Variants in IGSF21 observed in about 807,000 individuals in gnomAD.
IGSF21 encodes the protein immunoglobulin superfamily member 21.
Under a neutral mutation model 46.8 loss-of-function variants are expected in IGSF21, and 28 were observed. The observed-to-expected ratio is 0.60, with a 90% CI of 0.44 to 0.82. IGSF21 has a LOEUF of 0.82. Among genes scored for constraint, IGSF21 ranks in the 40% least tolerant of loss-of-function variants. IGSF21 has a pLI of 0.00. For missense variants in IGSF21, 624 were observed against 665.5 expected (o/e 0.94, Z 0.69); for synonymous variants, 284 against 273.6 (o/e 1.04, Z -0.38).
chr1:18,128,032 G>A (rs1038399405), intron 1 of IGSF21, among the ~76,000 whole-genome samples: 18 of 152,164 alleles, frequency 1.2e-4, no homozygotes, highest in African/African-American at 4.3e-4. Flanking sequence ...CTTCATTCAA[G>A]GGAAGAGATT....
intron 1 of IGSF21, chr1:18,110,040 G>C (rs545775010): frequency 5.9e-5 from 9 of 152,244 alleles, no homozygotes; most frequent in African/African-American, 2.2e-4. Context: ...CTGGCTGCCC[G>C]GCTGCAGAGA....
chr1:18,123,896 T>C (rs1449959034), intron 1 of IGSF21, among the ~76,000 whole-genome samples: 1 of 152,186 alleles, frequency 6.6e-6, no homozygotes, highest in Non-Finnish European at 1.5e-5. Flanking sequence ...TCCCTAGCTG[T>C]AGGCCCCCTG....
chr1:18,361,025 G>A (rs1421843585), intron 4 of IGSF21, among the ~76,000 whole-genome samples: 1 of 152,110 alleles, frequency 6.6e-6, no homozygotes, highest in African/African-American at 2.4e-5. Flanking sequence ...CAGTGGGTGA[G>A]GAGAGAAGAG....
At chr1:18,316,677 T>G (rs915344315) in intron 3 of IGSF21, among the ~76,000 whole-genome samples, 3 of 152,176 alleles carry the variant, frequency 2.0e-5, no homozygotes, top group African/African-American at 7.2e-5. Flanking sequence ...CTCCATTCTT[T>G]TTGTGTAACT....
At chr1:18,208,947 G>A (rs1482402011) in intron 1 of IGSF21, among the ~76,000 whole-genome samples, 1 of 152,152 alleles carries the variant, frequency 6.6e-6, no homozygotes, top group Admixed American at 6.5e-5. Context: ...TTCCAGGTAT[G>A]TGGGCTCAAG....
intron 1 of IGSF21, among the ~76,000 whole-genome samples, chr1:18,155,875 A>C (rs907902345): frequency 2.0e-5 from 3 of 152,212 alleles, no homozygotes; most frequent in African/African-American, 7.2e-5. Context: ...AAGAACGGGA[A>C]GCTAAGAAGT....
At chr1:18,174,448 C>T (rs2086774970) in intron 1 of IGSF21, among the ~76,000 whole-genome samples, 1 of 152,188 alleles carries the variant, frequency 6.6e-6, no homozygotes, top group South Asian at 2.1e-4. Flanking sequence ...GATCTGAAGG[C>T]TCGAGGAAGA....
At chr1:18,229,839 A>T (rs1313597616) in intron 2 of IGSF21, among the ~76,000 whole-genome samples, 1 of 152,252 alleles carries the variant, frequency 6.6e-6, no homozygotes, top group Non-Finnish European at 1.5e-5. Context: ...AAGGACAGGG[A>T]TAAATTAACT....
intron 1 of IGSF21, among the ~76,000 whole-genome samples, chr1:18,155,983 A>G (rs1430086865): frequency 1.3e-5 from 2 of 152,246 alleles, no homozygotes; most frequent in Non-Finnish European, 2.9e-5. Context: ...ATTAATACAT[A>G]TAATATATAA....
At chr1:18,363,960 G>A (rs1209965123) in intron 5 of IGSF21, among the ~76,000 whole-genome samples, 2 of 152,152 alleles carry the variant, frequency 1.3e-5, no homozygotes, top group African/African-American at 4.8e-5. Flanking sequence ...TTTCCCCTTT[G>A]GAGGCCATAG....
intron 5 of IGSF21, among the ~76,000 whole-genome samples, chr1:18,364,110 C>G (rs1451436566): frequency 6.6e-6 from 1 of 152,152 alleles, no homozygotes; most frequent in East Asian, 1.9e-4. Flanking sequence ...TCTGCCTGCC[C>G]CAACATTTGC....
At chr1:18,184,733 C>T (rs1422802068) in intron 1 of IGSF21, among the ~76,000 whole-genome samples, 1 of 152,130 alleles carries the variant, frequency 6.6e-6, no homozygotes, top group African/African-American at 2.4e-5. Context: ...ATGACGTGCA[C>T]CCTCCCTCCC....
At chr1:18,172,756 TC>T (rs1268881921) in intron 1 of IGSF21, among the ~76,000 whole-genome samples, 1 of 152,142 alleles carries the variant, frequency 6.6e-6, no homozygotes, top group Non-Finnish European at 1.5e-5. Context: ...CACAATTCAG[TC>T]CATATCACAA....
chr1:18,350,095 C>T (rs919382560), intron 4 of IGSF21, among the ~76,000 whole-genome samples: 7 of 152,074 alleles, frequency 4.6e-5, no homozygotes, highest in African/African-American at 1.7e-4. Context: ...AAAGGGCCCT[C>T]GCTCCTCCAG....
intron 4 of IGSF21, among the ~76,000 whole-genome samples, chr1:18,341,213 C>A (rs1456720321): frequency 2.6e-5 from 4 of 151,466 alleles, no homozygotes; most frequent in African/African-American, 7.3e-5. Context: ...AATGCACTCA[C>A]CTTGGCCTCC....
At chr1:18,183,819 C>T (rs1193611054) in intron 1 of IGSF21, among the ~76,000 whole-genome samples, 1 of 152,074 alleles carries the variant, frequency 6.6e-6, no homozygotes, top group Non-Finnish European at 1.5e-5. Flanking sequence ...GGGGGAAGCT[C>T]TTCTTGTGAA....
At chr1:18,226,703 T>C (rs1415246203) in intron 1 of IGSF21, among the ~76,000 whole-genome samples, 3 of 152,232 alleles carry the variant, frequency 2.0e-5, no homozygotes, top group African/African-American at 7.2e-5. Context: ...ACCATTGAGT[T>C]CCAGGCAGGG....
chr1:18,267,218 G>A (rs1413380619), intron 2 of IGSF21, among the ~76,000 whole-genome samples: 1 of 152,206 alleles, frequency 6.6e-6, no homozygotes, highest in African/African-American at 2.4e-5. Context: ...GTACACTGAG[G>A]ACCAGCTGAT....
chr1:18,366,802 C>T (rs1389446550), intron 6 of IGSF21, among the ~76,000 whole-genome samples: 2 of 152,204 alleles, frequency 1.3e-5, no homozygotes, highest in East Asian at 3.9e-4. Context: ...CCTCTCCCCA[C>T]AGAGCACCAA....
Sources: allele counts gnomAD v4.1 joint callset (sites outside exome capture counted in the v4.1 genomes callset), GRCh38; gene constraint gnomAD v4.1.1; transcripts MANE v1.5; gene names NCBI Gene and HGNC (gene_info 2026-07-23, HGNC 2026-07-21).